The following NXPH2 variants were observed in gnomAD, a reference collection of about 807,000 sequenced individuals.
NXPH2 encodes neurexophilin 2, also known as neurexophilin-2.
Under a neutral mutation model 19.8 loss-of-function variants are expected in NXPH2, and 5 were observed. The observed-to-expected ratio is 0.25, with a 90% CI of 0.13 to 0.53. NXPH2 has a LOEUF of 0.53. Among genes scored for constraint, NXPH2 ranks in the 20% least tolerant of loss-of-function variants. NXPH2 has a pLI of 0.96. For missense variants in NXPH2, 289 were observed against 322.8 expected (o/e 0.90, Z 0.80); for synonymous variants, 154 against 127.4 (o/e 1.21, Z -1.41).
At position 138,737,461 on chromosome 2, in the gene NXPH2, A is replaced by G. The variant is rs556239757; in HGVS notation, c.51+42730T>C. Among the ~76,000 whole-genome samples the G allele has an allele frequency of 9.9e-4, 151 of 152,272 alleles. 1 individual carries two copies. Among genetic ancestry groups the G allele is most frequent in the Non-Finnish European group, 1.6e-3 (108 of 68,010 alleles). On this transcript the variant is annotated intron_variant, in intron 1 of 1. Transcript: ENST00000272641. ...AAGAAACTGCACCCATGATTCAATT[A>G]TCTCCATCTGGGTCCTTCCCACAAC... is the stretch of plus-strand genomic sequence containing the variant.
chr2:138,770,481 C>T (rs1325253696), intron 1 of NXPH2, among the ~76,000 whole-genome samples: 2 of 151,942 alleles, frequency 1.3e-5, no homozygotes, highest in East Asian at 3.9e-4. Flanking sequence ...CTATACAGTT[C>T]TCTAGGAGAG....
chr2:138,716,382 A>T (rs1031604414), intron 1 of NXPH2, among the ~76,000 whole-genome samples: 1 of 152,160 alleles, frequency 6.6e-6, no homozygotes, highest in Non-Finnish European at 1.5e-5. Context: ...AAAGAGAAAG[A>T]CTAGAGCTCC....
At chr2:138,762,558 TC>T (rs1291154220) in intron 1 of NXPH2, among the ~76,000 whole-genome samples, 2 of 152,190 alleles carry the variant, frequency 1.3e-5, no homozygotes, top group Admixed American at 1.3e-4. Flanking sequence ...CCATATCAAT[TC>T]TGGTCTACTA....
chr2:138,684,973 A>G (rs1030867737), intron 1 of NXPH2, among the ~76,000 whole-genome samples: 2 of 152,244 alleles, frequency 1.3e-5, no homozygotes, highest in African/African-American at 4.8e-5. Flanking sequence ...TTCACTGGAT[A>G]TCTGCATCTC....
At chr2:138,753,711 C>A (rs115895803) in intron 1 of NXPH2, among the ~76,000 whole-genome samples, 11 of 152,214 alleles carry the variant, frequency 7.2e-5, no homozygotes, top group South Asian at 4.1e-4. Flanking sequence ...ATCACTGTAG[C>A]CTCCTCCCCT....
At chr2:138,706,408 A>G (rs770798933) in intron 1 of NXPH2, among the ~76,000 whole-genome samples, 22 of 152,192 alleles carry the variant, frequency 1.4e-4, no homozygotes, top group Non-Finnish European at 2.9e-4. Context: ...AATGTTCTCC[A>G]TTGGATCTTG....
rs955046946 is a variant in NXPH2 at position 138,670,644 on chromosome 2, C to T, written c.*278G>A. On this transcript the variant is annotated 3_prime_UTR_variant, in exon 2 of 2. Transcript: ENST00000272641. ...ATATTGCTATCATTGATGTTTCTTT[C>T]AGAGAAACAATAAGATTTCTAGAAC... 5 of 289,478 alleles carry T rather than the reference C, an allele frequency of 1.7e-5. No homozygotes were observed. Among genetic ancestry groups the T allele is most frequent in the Non-Finnish European group, 3.2e-5 (5 of 156,818 alleles). 17.9% of individuals were successfully genotyped at this position (289,478 alleles called of 1,614,324 possible). A position where few individuals can be genotyped will look rare whatever the true frequency, so the allele number is the denominator to read the frequency against.
chr2:138,742,403 G>A (rs4280390), intron 1 of NXPH2, among the ~76,000 whole-genome samples: 142,030 of 152,250 alleles, frequency 0.93, 66,601 homozygotes, highest in East Asian at 1. Context: ...ATAATGGAGC[G>A]TATTTAGAAA....
chr2:138,715,601 A>ACT (rs1681185507), intron 1 of NXPH2, among the ~76,000 whole-genome samples: 1 of 152,204 alleles, frequency 6.6e-6, no homozygotes, highest in Non-Finnish European at 1.5e-5. Context: ...GCATGTGGAC[A>ACT]GGTGGGTTTC....
chr2:138,780,072 G>A (rs942591571), intron 1 of NXPH2, 119 bp downstream of exon 1: 9 of 991,148 alleles, frequency 9.1e-6, no homozygotes, highest in Non-Finnish European at 1.1e-5. Context: ...TGCCCTCCGC[G>A]CGCCCCCAAC....
In NXPH2 at chr2:138,748,605, CTT is replaced by C. The variant is rs1191338566; in HGVS notation, c.51+31584_51+31585del. 5.3e-5 allele frequency among the ~76,000 whole-genome samples: 8 copies of C among 152,256 alleles called. No individual in the cohort carries two copies. The East Asian group carries it at 5.8e-4, about 11-fold the overall frequency. On this transcript the variant is annotated intron_variant, in intron 1 of 1. Coordinates refer to ENST00000272641, the MANE Select transcript of NXPH2 (RefSeq NM_007226.3). ...TCTCTCTCTCTTTCCCTCTCTCTCT[CTT>C]ACATGCACGCACACACATACACACA...
At chr2:138,708,574 A>T (rs1045932567) in intron 1 of NXPH2, among the ~76,000 whole-genome samples, 4 of 152,222 alleles carry the variant, frequency 2.6e-5, no homozygotes, top group African/African-American at 9.7e-5. Flanking sequence ...CTCTACAATC[A>T]TACTGAAAAC....
At chr2:138,765,483 C>T (rs1027820927) in intron 1 of NXPH2, among the ~76,000 whole-genome samples, 1 of 152,162 alleles carries the variant, frequency 6.6e-6, no homozygotes, top group African/African-American at 2.4e-5. Context: ...TTCACAGATA[C>T]ATTTTTTAAA....
intron 1 of NXPH2, among the ~76,000 whole-genome samples, chr2:138,772,050 C>T (rs1232064870): frequency 6.6e-6 from 1 of 152,192 alleles, no homozygotes; most frequent in Non-Finnish European, 1.5e-5. Context: ...CCCTCACCCA[C>T]CTGCTTGTCC....
chr2:138,698,299 G>A (rs922066584), intron 1 of NXPH2, among the ~76,000 whole-genome samples: 15 of 151,970 alleles, frequency 9.9e-5, no homozygotes, highest in South Asian at 4.1e-4. Flanking sequence ...AAATAGTTAC[G>A]AAATTGTATA....
chr2:138,755,410 C>A (rs1304076547), intron 1 of NXPH2, among the ~76,000 whole-genome samples: 1 of 152,110 alleles, frequency 6.6e-6, no homozygotes, highest in Non-Finnish European at 1.5e-5. Context: ...GTTCCAGCAT[C>A]ATTTGTTGAA....
intron 1 of NXPH2, among the ~76,000 whole-genome samples, chr2:138,692,333 C>T (rs1680757967): frequency 6.6e-6 from 1 of 152,176 alleles, no homozygotes; most frequent in Non-Finnish European, 1.5e-5. Context: ...ACCAGCGAAA[C>T]ATCAATGCTT....
At chr2:138,747,440 T>C (rs764650623) in intron 1 of NXPH2, among the ~76,000 whole-genome samples, 4 of 152,150 alleles carry the variant, frequency 2.6e-5, no homozygotes, top group Non-Finnish European at 5.9e-5. Flanking sequence ...GAAAGCTGAA[T>C]GTAATCCCAA....
Position 138,715,615 on chromosome 2 carries a change from G to A in NXPH2, c.52-43950C>T, listed in dbSNP as rs182665590. 7.2e-5 allele frequency among the ~76,000 whole-genome samples: 11 copies of A among 152,316 alleles called. No homozygotes were observed. The East Asian group carries it at 2.1e-3, about 29-fold the overall frequency. On this transcript the variant is annotated intron_variant, in intron 1 of 1. Coordinates refer to ENST00000272641, the MANE Select transcript of NXPH2 (RefSeq NM_007226.3). ...GGCATGTGGACAGGTGGGTTTCCCA[G>A]GAGGGCACACTGACTAGAAGCAGAC...
Sources: gnomAD v4.1 joint callset for allele counts (sites outside exome capture counted in the v4.1 genomes callset) on GRCh38, gnomAD v4.1.1 for gene constraint, MANE v1.5 for transcripts, NCBI Gene and HGNC (gene_info 2026-07-23, HGNC 2026-07-21) for gene names.